Variants in DMD observed in about 807,000 individuals in gnomAD.
The protein encoded by DMD is mutant dystrophin.
DMD carries 63 observed loss-of-function variants against 330.1 expected under a neutral mutation model. That is an observed-to-expected ratio of 0.19 (90% CI 0.16 to 0.24). The LOEUF is 0.24. Ranked by LOEUF, DMD falls within the 10% of genes least tolerant of loss-of-function variation. The pLI is 1.00. For synonymous variants in DMD, 1,223 were observed against 959.8 expected, an observed-to-expected ratio of 1.27 and a Z score of -5.07; for missense variants, 3,344 against 2,684.1, an observed-to-expected ratio of 1.25 and a Z score of -5.43.
intron 16 of DMD, among the ~76,000 whole-genome samples, chrX:32,553,569 TA>T (rs1460692114): frequency 9.1e-6 from 1 of 110,084 alleles, no homozygotes; most frequent in Non-Finnish European, 1.9e-5. Flanking sequence ...AAAATAAAAG[TA>T]AAAAATAATA....
At chrX:31,644,989 TG>T (rs1174580267) in intron 54 of DMD, among the ~76,000 whole-genome samples, 24 of 111,628 alleles carry the variant, frequency 2.1e-4, no homozygotes, top group African/African-American at 7.8e-4. Flanking sequence ...ATCACTAGCG[TG>T]GTGTGGTTTA....
chrX:31,187,716 TCAGAGAGAGAGAGAGAGA>T (rs1179822663), intron 67 of DMD, among the ~76,000 whole-genome samples: 58 of 76,624 alleles, frequency 7.6e-4, no homozygotes, highest in African/African-American at 2.8e-3. Context: ...TCCCAGATTC[TCAGAGAGAGAGAGAGAGA>T]GAGAGAGAGA....
chrX:32,691,571 G>A (rs2063284545), intron 9 of DMD, among the ~76,000 whole-genome samples: 1 of 111,295 alleles, frequency 9.0e-6, no homozygotes, highest in East Asian at 2.8e-4. Flanking sequence ...AGTAAAAAAT[G>A]GCATGGCTAT....
At chrX:32,435,620 C>T (rs6631580) in intron 29 of DMD, among the ~76,000 whole-genome samples, 23,103 of 109,741 alleles carry the variant, frequency 0.21, 2,616 homozygotes, top group African/African-American at 0.43. Context: ...ACATTTCTCC[C>T]CTTGCCAGCT....
chrX:32,354,790 G>A (rs899008624), intron 37 of DMD, among the ~76,000 whole-genome samples: 2 of 111,090 alleles, frequency 1.8e-5, no homozygotes, highest in African/African-American at 6.5e-5. Context: ...AATTGATTTT[G>A]TATGGATGAG....
At chrX:32,595,938 T>A in intron 12 of DMD, 62 bp from the exon 13 acceptor site, 1 of 1,003,492 alleles carries the variant, frequency 1.0e-6, no homozygotes, top group Admixed American at 2.2e-5. Context: ...GTTGAAATGA[T>A]TTGCTCTCAA....
chrX:32,654,198 G>A (rs1039504829), intron 9 of DMD, among the ~76,000 whole-genome samples: 3 of 111,482 alleles, frequency 2.7e-5, no homozygotes, highest in African/African-American at 9.8e-5. Flanking sequence ...TTGAATAGGA[G>A]TGGTGAGAGA....
chrX:33,330,055 A>G (rs777897302), intron 1 of DMD, among the ~76,000 whole-genome samples: 1 of 111,389 alleles, frequency 9.0e-6, no homozygotes, highest in East Asian at 2.8e-4. Context: ...ATAAATAGAT[A>G]TATAGATAAA....
At chrX:31,613,798 C>T (rs2078055008) in intron 55 of DMD, among the ~76,000 whole-genome samples, 1 of 111,600 alleles carries the variant, frequency 9.0e-6, no homozygotes, top group Non-Finnish European at 1.9e-5. Context: ...ATCTTATCAA[C>T]TTGTATATTT....
intron 51 of DMD, among the ~76,000 whole-genome samples, chrX:31,755,297 T>A (rs1296138471): frequency 8.9e-6 from 1 of 112,255 alleles, no homozygotes; most frequent in African/African-American, 3.2e-5. Context: ...AAAAATATAG[T>A]AAGTTATGGA....
intron 47 of DMD, among the ~76,000 whole-genome samples, chrX:31,894,666 A>C (rs17283351): frequency 0.2 from 22,341 of 111,482 alleles, 1,753 homozygotes; most frequent in Non-Finnish European, 0.23. Flanking sequence ...CTGTGTGAGG[A>C]GATTCTTCTG....
chrX:32,599,495 GA>G (rs1290827802), intron 12 of DMD, among the ~76,000 whole-genome samples: 1 of 111,539 alleles, frequency 9.0e-6, no homozygotes, highest in Non-Finnish European at 1.9e-5. Context: ...TTTAAATACT[GA>G]CTTCTTATGG....
intron 1 of DMD, among the ~76,000 whole-genome samples, chrX:33,298,159 C>A (rs1195475225): frequency 9.0e-6 from 1 of 111,221 alleles, no homozygotes; most frequent in African/African-American, 3.3e-5. Context: ...TATTTAGCCA[C>A]AAGCATGTGA....
At chrX:31,995,736 A>G (rs1203559772) in intron 44 of DMD, among the ~76,000 whole-genome samples, 1 of 111,723 alleles carries the variant, frequency 9.0e-6, no homozygotes, top group Non-Finnish European at 1.9e-5. Context: ...CTTTTTTGTG[A>G]GCACCACCAC....
chrX:31,690,027 C>G (rs1160043167), intron 52 of DMD, among the ~76,000 whole-genome samples: 1 of 111,766 alleles, frequency 8.9e-6, no homozygotes, highest in Non-Finnish European at 1.9e-5. Context: ...TAGAAGAAAA[C>G]CTAGGCAATA....
At chrX:31,435,836 T>G (rs1299291594) in intron 60 of DMD, among the ~76,000 whole-genome samples, 1 of 111,018 alleles carries the variant, frequency 9.0e-6, no homozygotes, top group Non-Finnish European at 1.9e-5. Context: ...AAACAACCAG[T>G]GCAAACAAAT....
chrX:32,955,091 T>A (rs934875998), intron 2 of DMD, among the ~76,000 whole-genome samples: 13 of 111,906 alleles, frequency 1.2e-4, no homozygotes, highest in Admixed American at 4.8e-4. Context: ...GGTATTTCTG[T>A]CTGTAGGTCT....
chrX:32,536,000 C>T (rs1011932548), intron 17 of DMD, among the ~76,000 whole-genome samples: 3 of 111,358 alleles, frequency 2.7e-5, no homozygotes, highest in African/African-American at 9.8e-5. Context: ...GGCACTGTGG[C>T]TCATGCCTCT....
At chrX:31,152,982 ATG>A (rs1269367745) in intron 74 of DMD, among the ~76,000 whole-genome samples, 1 of 111,954 alleles carries the variant, frequency 8.9e-6, no homozygotes, top group Non-Finnish European at 1.9e-5. Flanking sequence ...TATTATTCTC[ATG>A]TGTGTGTACT....
Sources: gnomAD v4.1 joint callset for allele counts (sites outside exome capture counted in the v4.1 genomes callset) on GRCh38, gnomAD v4.1.1 for gene constraint, MANE v1.5 for transcripts, NCBI Gene and HGNC (gene_info 2026-07-23, HGNC 2026-07-21) for gene names.